Variants in ECT2 observed in about 807,000 individuals in gnomAD.
ECT2 encodes protein ECT2.
A neutral mutation model predicts 116.9 loss-of-function variants in ECT2; 61 were observed. The observed-to-expected ratio is 0.52, with a 90% confidence interval of 0.42 to 0.65. ECT2 has a LOEUF of 0.65. ECT2 is among the 30% of genes least tolerant of loss of function. The pLI, the probability that ECT2 is intolerant of heterozygous loss-of-function variation, is 0.00. For synonymous variants in ECT2, 358 were observed against 346.4 expected, an observed-to-expected ratio of 1.03 and a Z score of -0.37; for missense variants, 937 against 1,078.7, an observed-to-expected ratio of 0.87 and a Z score of 1.84.
chr3:172,756,901 ATTGT>A (rs1264539642), intron 4 of ECT2, 78 bp from the exon 5 acceptor site: 6 of 1,190,480 alleles, frequency 5.0e-6, no homozygotes, highest in South Asian at 1.5e-5. Flanking sequence ...TATTGAATTG[ATTGT>A]TAAGCCTTAT....
At chr3:172,823,573 G>A (rs115780108), downstream of ECT2, among the ~76,000 whole-genome samples, 350 of 152,266 alleles carry the variant, frequency 2.3e-3, 2 homozygotes, top group African/African-American at 8.0e-3. Context: ...AGATAATACT[G>A]CACATTTGGT....
chr3:172,790,262 T>C (rs1179925074), intron 18 of ECT2, among the ~76,000 whole-genome samples: 4 of 152,208 alleles, frequency 2.6e-5, no homozygotes, highest in African/African-American at 9.6e-5. Flanking sequence ...TCAAGTTTAA[T>C]AGAAACTGCA....
intron 14 of ECT2, among the ~76,000 whole-genome samples, chr3:172,778,036 A>C (rs1324639911): frequency 6.6e-6 from 1 of 152,226 alleles, no homozygotes; most frequent in African/African-American, 2.4e-5. Flanking sequence ...ATGTTGGCTT[A>C]CTGTGCAATG....
chr3:172,803,951 C>G (rs532008870), intron 20 of ECT2, among the ~76,000 whole-genome samples: 1 of 152,042 alleles, frequency 6.6e-6, no homozygotes, highest in Admixed American at 6.6e-5. Context: ...ACTATAGACA[C>G]TCGCCACCAC....
chr3:172,794,749 G>T (rs983207563), intron 18 of ECT2, among the ~76,000 whole-genome samples: 3 of 152,058 alleles, frequency 2.0e-5, no homozygotes, highest in African/African-American at 7.2e-5. Context: ...CGGAGTCTCA[G>T]TGTCACCCAG....
At chr3:172,782,711 C>A (rs917713308) in intron 15 of ECT2, among the ~76,000 whole-genome samples, 1 of 152,104 alleles carries the variant, frequency 6.6e-6, no homozygotes, top group Non-Finnish European at 1.5e-5. Flanking sequence ...TCCAGTAGGC[C>A]CCAGGTATGT....
At chr3:172,815,067 T>C (rs1473870706) in intron 22 of ECT2, among the ~76,000 whole-genome samples, 1 of 152,170 alleles carries the variant, frequency 6.6e-6, no homozygotes, top group Non-Finnish European at 1.5e-5. Flanking sequence ...ATACAAGCTG[T>C]GAACCCACTC....
chr3:172,763,553 T>G (rs1192730808), intron 11 of ECT2, among the ~76,000 whole-genome samples: 5 of 152,214 alleles, frequency 3.3e-5, no homozygotes, highest in African/African-American at 1.2e-4. Flanking sequence ...TTAATGAGCT[T>G]GGATATTATC....
intron 22 of ECT2, among the ~76,000 whole-genome samples, chr3:172,812,571 CAGA>C (rs1293665149): frequency 6.6e-6 from 1 of 151,890 alleles, no homozygotes; most frequent in Admixed American, 6.6e-5. Flanking sequence ...TAAAACATAA[CAGA>C]AGAATATACT....
intron 13 of ECT2, among the ~76,000 whole-genome samples, chr3:172,773,046 T>G (rs1343189053): frequency 4.6e-5 from 7 of 152,206 alleles, no homozygotes; most frequent in Admixed American, 4.6e-4. Flanking sequence ...TCCATATAAA[T>G]TTTTAGAATC....
At chr3:172,800,938 A>G (rs1483917533) in intron 18 of ECT2, among the ~76,000 whole-genome samples, 2 of 152,212 alleles carry the variant, frequency 1.3e-5, no homozygotes, top group South Asian at 2.1e-4. Context: ...TAAATGCAGA[A>G]TTTTGTTGTT....
At chr3:172,782,543 A>T (rs546728242) in intron 15 of ECT2, among the ~76,000 whole-genome samples, 113 of 152,212 alleles carry the variant, frequency 7.4e-4, no homozygotes, top group African/African-American at 2.6e-3. Context: ...ATATTATTTA[A>T]TTTTCATTTT....
At chr3:172,811,983 CT>C (rs200790013) in intron 22 of ECT2, among the ~76,000 whole-genome samples, 351 of 134,496 alleles carry the variant, frequency 2.6e-3, no homozygotes, top group Middle Eastern at 7.9e-3. Context: ...AAATGTATTT[CT>C]TTTTTTTTTT....
At chr3:172,784,595 TCTC>T in intron 16 of ECT2, 109 bp from the exon 17 acceptor site, 1 of 735,788 alleles carries the variant, frequency 1.4e-6, no homozygotes, top group South Asian at 1.9e-5. Context: ...TTCCACTTCT[TCTC>T]TATTAGTTTG....
chr3:172,776,195 T>C (rs1032211042), intron 14 of ECT2, among the ~76,000 whole-genome samples: 2 of 82,692 alleles, frequency 2.4e-5, no homozygotes, highest in African/African-American at 6.5e-5. Flanking sequence ...TTTTCAGTTT[T>C]TTCTTTTTTT....
At chr3:172,759,590 C>T (rs550140192) in intron 6 of ECT2, among the ~76,000 whole-genome samples, 19 of 152,150 alleles carry the variant, frequency 1.2e-4, no homozygotes, top group South Asian at 4.2e-4. Flanking sequence ...TACAGGCGCC[C>T]GCCACCACGC....
intron 5 of ECT2, among the ~76,000 whole-genome samples, chr3:172,757,815 A>C (rs962266657): frequency 8.5e-5 from 13 of 152,214 alleles, no homozygotes; most frequent in Non-Finnish European, 1.9e-4. Flanking sequence ...TTCTCAACAC[A>C]GAACAGATAC....
At position 172,754,631 on chromosome 3, in the gene ECT2, T is replaced by TA; in HGVS notation, c.102dup (p.Leu35ThrfsTer16). 6.2e-7 allele frequency: 1 copy of TA among 1,611,286 alleles called. No individual in the cohort carries two copies. Among genetic ancestry groups the TA allele is most frequent in the African/African-American group, 1.3e-5 (1 of 74,918 alleles). On this transcript the variant is annotated frameshift_variant, in exon 2 of 25. Transcript: ENST00000392692. LOFTEE classifies it high-confidence loss of function. ...GTTACTGAGATTTCCAAGGAAAACT[T>TA]ACTTATTGGATCTACTTCATATGTA...
intron 18 of ECT2, among the ~76,000 whole-genome samples, chr3:172,795,680 T>TA (rs34665600): frequency 6.6e-6 from 1 of 152,202 alleles, no homozygotes; most frequent in Non-Finnish European, 1.5e-5. Context: ...GCATAATTGC[T>TA]AAAAAATTTA....
Sources: gnomAD v4.1 joint callset for allele counts (sites outside exome capture counted in the v4.1 genomes callset) on GRCh38, gnomAD v4.1.1 for gene constraint, MANE v1.5 for transcripts, NCBI Gene and HGNC (gene_info 2026-07-23, HGNC 2026-07-21) for gene names.